Variants in CSMD3 observed in about 807,000 individuals in gnomAD.
The protein encoded by CSMD3 is CUB and sushi domain-containing protein 3.
CSMD3 carries 177 observed loss-of-function variants against 435.2 expected under a neutral mutation model. The ratio of observed to expected loss-of-function variants is 0.41; its 90% CI spans 0.36 to 0.46. The LOEUF (loss-of-function observed/expected upper bound fraction) is 0.46. Ranked by LOEUF, CSMD3 falls within the 20% of genes least tolerant of loss-of-function variation. CSMD3 has a pLI of 0.34. For missense variants in CSMD3, 4,265 were observed against 4,504.6 expected (o/e 0.95, Z 1.52); for synonymous variants, 1,656 against 1,520.5 (o/e 1.09, Z -2.07).
rs138835849 is a variant in CSMD3 at position 112,393,155 on chromosome 8, G to A, written c.5810-2367C>T. On this transcript the variant is annotated intron_variant, in intron 35 of 70. Coordinates refer to ENST00000297405, the MANE Select transcript of CSMD3 (RefSeq NM_198123.2). ...GCCGCCTCAGCCTCCTAAAGTGCTA[G>A]GATTATAGGCACGAGCCACTGTGCC... is the stretch of plus-strand genomic sequence containing the variant. 1.3e-3 allele frequency among the ~76,000 whole-genome samples: 194 copies of A among 152,180 alleles called. 1 individual carries two copies. The highest frequency in any genetic ancestry group is 4.6e-3 in the African/African-American group (189 of 41,526).
chr8:113,228,476 TG>T (rs1409056825), intron 3 of CSMD3, among the ~76,000 whole-genome samples: 1 of 151,564 alleles, frequency 6.6e-6, no homozygotes, highest in Non-Finnish European at 1.5e-5. Context: ...TACAAAAATT[TG>T]GGTATTGTAC....
Position 112,606,159 on chromosome 8 carries a change from A to G in CSMD3, c.3716-18924T>C, listed in dbSNP as rs993466443. 1.1e-4 allele frequency among the ~76,000 whole-genome samples: 17 copies of G among 152,310 alleles called. No individual in the cohort carries two copies. In the East Asian group the frequency reaches 1.5e-3, roughly 14 times the overall value. ...ATCCAAAAACTGACTTATCAAAGGA[A>G]GAACAGTATCAGGTTACCTATGTCG... On this transcript the variant is annotated intron_variant, in intron 22 of 70. Coordinates refer to ENST00000297405, the MANE Select transcript of CSMD3 (RefSeq NM_198123.2).
intron 2 of CSMD3, among the ~76,000 whole-genome samples, chr8:113,298,337 CA>C (rs767739470): frequency 6.6e-6 from 1 of 151,796 alleles, no homozygotes; most frequent in Non-Finnish European, 1.5e-5. Flanking sequence ...TCTAAAATAA[CA>C]AGACATTGAT....
chr8:112,238,047 C>A (rs943920994), intron 66 of CSMD3, among the ~76,000 whole-genome samples: 16 of 151,770 alleles, frequency 1.1e-4, no homozygotes, highest in Non-Finnish European at 1.9e-4. Flanking sequence ...TAGATACTAG[C>A]CAAAAAGACT....
chr8:113,084,621 C>CA (rs1564294596), intron 5 of CSMD3, among the ~76,000 whole-genome samples: 9 of 67,360 alleles, frequency 1.3e-4, no homozygotes, highest in Middle Eastern at 7.1e-3. Flanking sequence ...TTGAATGGAA[C>CA]CAAAAAAAAA....
At chr8:112,413,279 T>C (rs1254810134) in intron 32 of CSMD3, among the ~76,000 whole-genome samples, 2 of 152,194 alleles carry the variant, frequency 1.3e-5, no homozygotes, top group Non-Finnish European at 2.9e-5. Context: ...TTATTTGACA[T>C]CTAATTTTTG....
chr8:112,828,253 T>C (rs2079757264), intron 12 of CSMD3, among the ~76,000 whole-genome samples: 1 of 152,098 alleles, frequency 6.6e-6, no homozygotes, highest in African/African-American at 2.4e-5. Flanking sequence ...AGAGAGGAAG[T>C]GTTAAGAATG....
In CSMD3 at chr8:113,391,600, A is replaced by G. The variant is rs544451458; in HGVS notation, c.178+45077T>C. Among the ~76,000 whole-genome samples the G allele has an allele frequency of 3.9e-5, 6 of 152,202 alleles. No individual in the cohort carries two copies. The East Asian group carries it at 7.7e-4, about 20-fold the overall frequency. ...GATTAAATCTGAAGTTTTATTTAAT[A>G]AAAACATAAAATACTGCGTAATGGT... On this transcript the variant is annotated intron_variant, in intron 1 of 70. Coordinates refer to ENST00000297405, the MANE Select transcript of CSMD3 (RefSeq NM_198123.2).
intron 3 of CSMD3, among the ~76,000 whole-genome samples, chr8:113,193,337 T>C (rs1411054191): frequency 6.6e-6 from 1 of 151,334 alleles, no homozygotes; most frequent in Non-Finnish European, 1.5e-5. Context: ...GCTTCTTAAT[T>C]GAATTTTCAA....
Position 112,351,109 on chromosome 8 carries a change from T to C in CSMD3, c.6325+66A>G, listed in dbSNP as rs889224725. The C allele has an allele frequency of 7.1e-6, 7 of 988,756 alleles. No individual in the cohort carries two copies. In the African/African-American group the frequency reaches 8.0e-5, roughly 11 times the overall value. The allele number at this position is 988,756 out of a possible 1,614,324, so 61.2% of individuals were successfully genotyped here. ...TTTAAAATCTGATGAAGCTTACAAA[T>C]ACTTTATAGTCTTTTTTTTTACACT... On this transcript the variant is annotated intron_variant, in intron 40 of 70. Transcript: ENST00000297405.
At chr8:113,393,848 T>C (rs1563777294) in intron 1 of CSMD3, among the ~76,000 whole-genome samples, 2 of 152,060 alleles carry the variant, frequency 1.3e-5, no homozygotes, top group South Asian at 2.1e-4. Context: ...TCCTGTAATA[T>C]AAAATTTAAC....
At chr8:113,089,871 AAAAAT>A (rs557244027) in intron 5 of CSMD3, among the ~76,000 whole-genome samples, 48 of 152,258 alleles carry the variant, frequency 3.2e-4, no homozygotes, top group Non-Finnish European at 5.6e-4. Context: ...AAACAAAGCG[AAAAAT>A]AAAATAAAAT....
chr8:112,638,933 C>A (rs1343564464), intron 20 of CSMD3, 22 bp from the exon 21 acceptor site: 1 of 1,509,450 alleles, frequency 6.6e-7, no homozygotes, highest in Non-Finnish European at 9.2e-7. Flanking sequence ...AATAGAAACA[C>A]TGAATTTACA....
At chr8:112,853,408 T>TAGAGAC (rs1156459515) in intron 11 of CSMD3, among the ~76,000 whole-genome samples, 1 of 152,122 alleles carries the variant, frequency 6.6e-6, no homozygotes, top group Non-Finnish European at 1.5e-5. Context: ...GTATTTTTAG[T>TAGAGAC]AGAGACAGGG....
At chr8:113,153,149 A>AGGAAGGAT (rs1159686044) in intron 4 of CSMD3, among the ~76,000 whole-genome samples, 2 of 132,194 alleles carry the variant, frequency 1.5e-5, no homozygotes, top group Non-Finnish European at 3.1e-5. Flanking sequence ...GAAGGAAGGA[A>AGGAAGGAT]GGAAGGAAGG....
chr8:113,086,978 C>A (rs2089807992), intron 5 of CSMD3, among the ~76,000 whole-genome samples: 1 of 152,146 alleles, frequency 6.6e-6, no homozygotes. Context: ...CTTTTAATAT[C>A]TGAATATGTT....
intron 3 of CSMD3, among the ~76,000 whole-genome samples, chr8:113,240,506 C>T (rs2093202246): frequency 6.6e-6 from 1 of 152,132 alleles, no homozygotes; most frequent in African/African-American, 2.4e-5. Flanking sequence ...TATCCACAAC[C>T]TCACTAGGCT....
At chr8:113,080,619 A>G (rs1046178969) in intron 5 of CSMD3, among the ~76,000 whole-genome samples, 10 of 152,200 alleles carry the variant, frequency 6.6e-5, no homozygotes, top group African/African-American at 2.2e-4. Context: ...TTCAGGCACA[A>G]TAAGATTTTC....
At chr8:113,345,797 G>A (rs1012111924) in intron 1 of CSMD3, among the ~76,000 whole-genome samples, 2 of 152,082 alleles carry the variant, frequency 1.3e-5, no homozygotes, top group African/African-American at 4.8e-5. Flanking sequence ...GGCACAGTAA[G>A]AAGAATCATT....
Sources: allele counts gnomAD v4.1 joint callset (sites outside exome capture counted in the v4.1 genomes callset), GRCh38; gene constraint gnomAD v4.1.1; transcripts MANE v1.5; gene names NCBI Gene and HGNC (gene_info 2026-07-23, HGNC 2026-07-21).